The following SDK1 variants were observed in gnomAD, a reference collection of about 807,000 sequenced individuals.
The protein encoded by SDK1 is protein sidekick-1.
SDK1 carries 157 observed loss-of-function variants against 245.5 expected under a neutral mutation model. The ratio of observed to expected loss-of-function variants is 0.64; its 90% CI spans 0.56 to 0.73. The LOEUF is 0.73. Ranked by LOEUF, SDK1 falls within the 30% of genes least tolerant of loss-of-function variation. The pLI is 0.00. For missense variants in SDK1, 3,583 were observed against 3,002.3 expected (o/e 1.19, Z -4.52); for synonymous variants, 1,647 against 1,278.5 (o/e 1.29, Z -6.15).
intron 17 of SDK1, among the ~76,000 whole-genome samples, chr7:4,038,187 C>G (rs1021172737): frequency 2.0e-5 from 3 of 152,166 alleles, no homozygotes; most frequent in Admixed American, 2.0e-4. Context: ...AACTTAAGAC[C>G]CCTCTATTCC....
At chr7:3,484,137 C>G (rs1203365186) in intron 1 of SDK1, among the ~76,000 whole-genome samples, 2 of 152,104 alleles carry the variant, frequency 1.3e-5, no homozygotes, top group Non-Finnish European at 2.9e-5. Flanking sequence ...TCCAGGGTCC[C>G]CTGTATAACC....
rs148918008 is a variant in SDK1, at chr7:3,959,897, G to A, written c.1234+883G>A. On this transcript the variant is annotated intron_variant, in intron 8 of 44. Transcript: ENST00000404826. ...CAATTACAAGCTGCCCACTGTCACC[G>A]TCTCATGTCGGGCAGCACAGGTGAT... Among the ~76,000 whole-genome samples the A allele has an allele frequency of 3.0e-3, 459 of 151,788 alleles. 12 individuals are homozygous for A. The highest frequency in any genetic ancestry group is 0.028 in the Admixed American group (421 of 15,234).
At chr7:3,514,977 TTTCTC>T (rs1782696437) in intron 1 of SDK1, among the ~76,000 whole-genome samples, 1 of 152,200 alleles carries the variant, frequency 6.6e-6, no homozygotes, top group Non-Finnish European at 1.5e-5. Flanking sequence ...CTTGGGCCCT[TTTCTC>T]TGCTGAATGT....
chr7:4,050,032 C>T (rs1367342847), intron 18 of SDK1, among the ~76,000 whole-genome samples: 2 of 152,162 alleles, frequency 1.3e-5, no homozygotes, highest in African/African-American at 4.8e-5. Flanking sequence ...TACCAGGATA[C>T]ACCATCACAA....
rs141190418 is a variant in SDK1 at position 3,907,999 on chromosome 7, G to C, written c.848-42924G>C. ...TGGCTTGGGGCTTGGGGGTGATACTGAACCAATACTCATTCCTGCTTTGAT... is the reference window on the plus strand; with the variant it reads ...TGGCTTGGGGCTTGGGGGTGATACTCAACCAATACTCATTCCTGCTTTGAT... On this transcript the variant is annotated intron_variant, in intron 5 of 44. Transcript: ENST00000404826. Among the ~76,000 whole-genome samples the C allele has an allele frequency of 2.2e-3, 333 of 152,260 alleles. 2 individuals are homozygous for C. The highest frequency in any genetic ancestry group is 7.6e-3 in the African/African-American group (317 of 41,550).
chr7:4,054,973 T>G (rs1045513450), intron 19 of SDK1, among the ~76,000 whole-genome samples: 1 of 152,206 alleles, frequency 6.6e-6, no homozygotes, highest in Non-Finnish European at 1.5e-5. Flanking sequence ...ATAATTCTTT[T>G]CATATGCTGT....
chr7:3,746,003 C>T (rs2115058458), intron 4 of SDK1, among the ~76,000 whole-genome samples: 1 of 152,288 alleles, frequency 6.6e-6, no homozygotes, highest in South Asian at 2.1e-4. Flanking sequence ...GTAGAGGTTT[C>T]CCTCATCTGT....
chr7:3,694,813 G>C (rs1445771712), intron 4 of SDK1, among the ~76,000 whole-genome samples: 1 of 152,178 alleles, frequency 6.6e-6, no homozygotes, highest in African/African-American at 2.4e-5. Flanking sequence ...CATTGCACTA[G>C]AACAGGATTC....
chr7:4,074,656 T>A (rs1387857598), intron 20 of SDK1, among the ~76,000 whole-genome samples: 1 of 151,448 alleles, frequency 6.6e-6, no homozygotes, highest in African/African-American at 2.4e-5. Flanking sequence ...ATACCAGGAG[T>A]TTGAGACCAG....
intron 1 of SDK1, among the ~76,000 whole-genome samples, chr7:3,308,649 A>G (rs547940578): frequency 1.3e-5 from 2 of 152,258 alleles, no homozygotes; most frequent in South Asian, 4.1e-4. Flanking sequence ...TTCATTTTCA[A>G]AAAAATTTTT....
chr7:3,496,218 G>A (rs1245651144), intron 1 of SDK1, among the ~76,000 whole-genome samples: 3 of 152,170 alleles, frequency 2.0e-5, no homozygotes, highest in South Asian at 2.1e-4. Context: ...TCGTGGGATC[G>A]CTGGAGGGTC....
intron 5 of SDK1, among the ~76,000 whole-genome samples, chr7:3,859,436 G>GT (rs946699367): frequency 3.1e-4 from 46 of 150,720 alleles, no homozygotes; most frequent in African/African-American, 7.6e-4. Context: ...GCTGGTTTTG[G>GT]TTTTTTTTTC....
At chr7:3,819,737 A>G (rs927710187) in intron 4 of SDK1, among the ~76,000 whole-genome samples, 1 of 152,196 alleles carries the variant, frequency 6.6e-6, no homozygotes, top group Admixed American at 6.5e-5. Flanking sequence ...GAAGTAAGTC[A>G]TAGAGACCTC....
intron 2 of SDK1, among the ~76,000 whole-genome samples, chr7:3,638,104 T>C (rs982631003): frequency 5.3e-5 from 8 of 152,218 alleles, no homozygotes; most frequent in Non-Finnish European, 1.2e-4. Flanking sequence ...ATTCAACCAG[T>C]TGTGAGTTAT....
Position 3,358,063 on chromosome 7 carries a change from C to T in SDK1, c.298+56179C>T, listed in dbSNP as rs182497754. Reference sequence around the variant, plus strand: ...GATGGACAGAGTCTTACTCTGTGTCCCAGGCTGGAGTGCAGTGACAGGATC... The same window carrying T: ...GATGGACAGAGTCTTACTCTGTGTCTCAGGCTGGAGTGCAGTGACAGGATC... On this transcript the variant is annotated intron_variant, in intron 1 of 44. Coordinates refer to ENST00000404826, the MANE Select transcript of SDK1 (RefSeq NM_152744.4). 4.2e-3 allele frequency among the ~76,000 whole-genome samples: 634 copies of T among 151,818 alleles called. 3 individuals are homozygous for T. The highest frequency in any genetic ancestry group is 0.01 in the Middle Eastern group (3 of 294).
At chr7:3,904,355 A>G (rs1781892614) in intron 5 of SDK1, among the ~76,000 whole-genome samples, 1 of 152,194 alleles carries the variant, frequency 6.6e-6, no homozygotes, top group Admixed American at 6.5e-5. Context: ...ATACTCTGGA[A>G]CTAGGAAGTG....
chr7:4,151,348 G>A (rs541630642), intron 30 of SDK1, among the ~76,000 whole-genome samples: 3 of 152,174 alleles, frequency 2.0e-5, no homozygotes, highest in African/African-American at 7.2e-5. Flanking sequence ...TCTGAAAATC[G>A]AGGTGGAATG....
At chr7:3,444,744 C>G (rs1036798657) in intron 1 of SDK1, among the ~76,000 whole-genome samples, 1 of 152,170 alleles carries the variant, frequency 6.6e-6, no homozygotes, top group East Asian at 1.9e-4. Flanking sequence ...AATTGGGTGA[C>G]CAACTTGGCT....
rs575028973 is a variant in SDK1 at position 3,432,567 on chromosome 7, TACTACCGAAGGGAA to T, written c.298+130684_298+130697del. On this transcript the variant is annotated intron_variant, in intron 1 of 44. Coordinates refer to ENST00000404826, the MANE Select transcript of SDK1 (RefSeq NM_152744.4). ...TAACTATTTTAGTTATTTAAAAGAT[TACTACCGAAGGGAA>T]GAAACATATTTTGCTAGGTTTCGCA... Among the ~76,000 whole-genome samples, 628 of 152,310 alleles carry T rather than the reference TACTACCGAAGGGAA, an allele frequency of 4.1e-3. 8 individuals carry two copies. The highest frequency in any genetic ancestry group is 0.018 in the South Asian group (88 of 4,820).
Sources: allele counts gnomAD v4.1 joint callset (sites outside exome capture counted in the v4.1 genomes callset), GRCh38; gene constraint gnomAD v4.1.1; transcripts MANE v1.5; gene names NCBI Gene and HGNC (gene_info 2026-07-23, HGNC 2026-07-21).